The following RAB38 variants were observed in gnomAD, a reference collection of about 807,000 sequenced individuals.
The protein encoded by RAB38 is RAB38, member RAS oncogene family.
In RAB38, 15 loss-of-function variants were observed where a neutral mutation model predicts 18.4. The observed-to-expected ratio is 0.82, with a 90% CI of 0.55 to 1.26. The LOEUF is 1.26. RAB38 is among the 50% of genes most tolerant of loss of function. RAB38 has a pLI of 0.00. For missense variants in RAB38, 294 were observed against 267.4 expected (o/e 1.10, Z -0.69); for synonymous variants, 101 against 104.4 (o/e 0.97, Z 0.20).
At chr11:88,107,428 AAGCAT>A in the RAB38 span, among the ~76,000 whole-genome samples, 2 of 152,124 alleles carry the variant, frequency 1.3e-5, no homozygotes, top group African/African-American at 4.8e-5. Flanking sequence ...TTTTAAAAAT[AAGCAT>A]AGTAGTATCA....
intron 2 of RAB38, among the ~76,000 whole-genome samples, chr11:88,141,731 T>C (rs921980046): frequency 1.2e-4 from 19 of 152,206 alleles, no homozygotes; most frequent in Admixed American, 3.3e-4. Context: ...TTCAGCCTCA[T>C]TGAACCTCAG....
chr11:87,832,954 A>G, the RAB38 span, among the ~76,000 whole-genome samples: 5 of 152,148 alleles, frequency 3.3e-5, no homozygotes, highest in African/African-American at 4.8e-5. Flanking sequence ...ACATATCACA[A>G]TTATGCTTAG....
At chr11:88,047,538 C>T in the RAB38 span, among the ~76,000 whole-genome samples, 1 of 152,224 alleles carries the variant, frequency 6.6e-6, no homozygotes, top group Non-Finnish European at 1.5e-5. Context: ...AAAAGGACTA[C>T]ACATCAATAT....
the RAB38 span, among the ~76,000 whole-genome samples, chr11:87,853,255 C>A: frequency 5.9e-5 from 9 of 152,302 alleles, no homozygotes; most frequent in East Asian, 9.7e-4. Flanking sequence ...TCAGCCCTAA[C>A]TCCTAATATT....
the RAB38 span, among the ~76,000 whole-genome samples, chr11:87,954,396 CA>C: frequency 6.6e-6 from 1 of 152,084 alleles, no homozygotes; most frequent in Non-Finnish European, 1.5e-5. Flanking sequence ...ACTACTTTTT[CA>C]GCCTAAATTT....
the RAB38 span, among the ~76,000 whole-genome samples, chr11:87,949,702 G>A: frequency 2.0e-5 from 3 of 152,192 alleles, no homozygotes; most frequent in African/African-American, 7.2e-5. Context: ...GGGCGGTTTT[G>A]AGTGAGTTTC....
At chr11:87,833,200 C>T in the RAB38 span, among the ~76,000 whole-genome samples, 11 of 152,180 alleles carry the variant, frequency 7.2e-5, no homozygotes, top group Admixed American at 4.6e-4. Flanking sequence ...TCATTCTGAC[C>T]ACACAGACCT....
At chr11:87,852,907 T>C in the RAB38 span, among the ~76,000 whole-genome samples, 4 of 152,044 alleles carry the variant, frequency 2.6e-5, no homozygotes, top group African/African-American at 9.7e-5. Flanking sequence ...TCTAAAATCT[T>C]GACACTAGCT....
the RAB38 span, among the ~76,000 whole-genome samples, chr11:88,013,005 G>A: frequency 1.3e-5 from 2 of 152,122 alleles, no homozygotes. Flanking sequence ...AGGGTGCTCT[G>A]GGCCTGTTTT....
chr11:88,027,464 C>T, the RAB38 span, among the ~76,000 whole-genome samples: 1 of 152,146 alleles, frequency 6.6e-6, no homozygotes. Context: ...GTTCCCTTTC[C>T]TAGTCAAAGA....
the RAB38 span, among the ~76,000 whole-genome samples, chr11:87,853,432 A>G: frequency 1.0e-3 from 154 of 152,328 alleles, 1 homozygote; most frequent in African/African-American, 3.4e-3. Flanking sequence ...TCTGAAAGCC[A>G]GGAGGAAGGT....
chr11:88,056,267 T>C, the RAB38 span, among the ~76,000 whole-genome samples: 1 of 152,126 alleles, frequency 6.6e-6, no homozygotes, highest in African/African-American at 2.4e-5. Flanking sequence ...AGCCACACTG[T>C]TTGTCTTCAG....
At chr11:88,013,366 C>A in the RAB38 span, among the ~76,000 whole-genome samples, 2 of 152,206 alleles carry the variant, frequency 1.3e-5, no homozygotes, top group South Asian at 2.1e-4. Flanking sequence ...ATATGTTCAA[C>A]AGAATAGAAG....
At chr11:88,169,702 A>G (rs898579204) in intron 1 of RAB38, among the ~76,000 whole-genome samples, 2 of 152,216 alleles carry the variant, frequency 1.3e-5, no homozygotes, top group East Asian at 3.8e-4. Context: ...TAAGAGCACA[A>G]GAAACATCAC....
At position 88,149,919 on chromosome 11, in the gene RAB38, T is replaced by A; in HGVS notation, c.239A>T (p.Tyr80Phe). 1 of 1,613,874 alleles carries A rather than the reference T, an allele frequency of 6.2e-7. No individual in the cohort carries two copies. The highest frequency in any genetic ancestry group is 8.5e-7 in the Non-Finnish European group (1 of 1,179,866). Reference sequence around the variant, plus strand: ...AATAAATGCACCCATAGCTTCTCGGTAATAGACCCTCGTCATGTTTCCAAA... The same window carrying A: ...AATAAATGCACCCATAGCTTCTCGGAAATAGACCCTCGTCATGTTTCCAAA... ...ERFGNMTRVY[Y>F]REAMGAFIVF... The change falls in exon 2 of 3, where the codon TAC becomes TTC. Residue 80 changes from tyrosine to phenylalanine, a missense_variant. Tyr to Phe is a conservative substitution (Grantham distance 22, BLOSUM62 3). Transcript: ENST00000243662.
chr11:87,953,997 G>A, the RAB38 span, among the ~76,000 whole-genome samples: 2 of 152,128 alleles, frequency 1.3e-5, no homozygotes, highest in Admixed American at 1.3e-4. Flanking sequence ...CCAGCAGGAG[G>A]AAATGATATG....
the RAB38 span, among the ~76,000 whole-genome samples, chr11:88,034,374 A>G: frequency 6.6e-6 from 1 of 152,232 alleles, no homozygotes; most frequent in African/African-American, 2.4e-5. Flanking sequence ...ATGCCCAAGA[A>G]CACAAATGCT....
At chr11:87,970,956 C>T in the RAB38 span, among the ~76,000 whole-genome samples, 1 of 152,038 alleles carries the variant, frequency 6.6e-6, no homozygotes, top group Non-Finnish European at 1.5e-5. Flanking sequence ...CTAAATGTCA[C>T]TCTAGAGCTC....
chr11:88,158,235 A>T lies in RAB38; in HGVS notation c.203-8280T>A, dbSNP rs188097209. 7.2e-5 allele frequency among the ~76,000 whole-genome samples: 11 copies of T among 152,168 alleles called. No homozygotes were observed. The East Asian group carries it at 1.9e-3, about 27-fold the overall frequency. On this transcript the variant is annotated intron_variant, in intron 1 of 2. Coordinates refer to ENST00000243662, the MANE Select transcript of RAB38 (RefSeq NM_022337.3). Reference sequence around the variant, plus strand: ...ATCTGCCAAGATTGAATCAGAAAGGAATTAAAACCCTGAATAGACCAATAA... The same window carrying T: ...ATCTGCCAAGATTGAATCAGAAAGGTATTAAAACCCTGAATAGACCAATAA...
Sources: gnomAD v4.1 joint callset for allele counts (sites outside exome capture counted in the v4.1 genomes callset) on GRCh38, gnomAD v4.1.1 for gene constraint, MANE v1.5 for transcripts, NCBI Gene and HGNC (gene_info 2026-07-23, HGNC 2026-07-21) for gene names.